PXDNL: variants seen among roughly 807,000 people sequenced by gnomAD.
The protein encoded by PXDNL is probable oxidoreductase PXDNL.
In PXDNL, 145 loss-of-function variants were observed where a neutral mutation model predicts 150.8. The observed-to-expected ratio is 0.96, with a 90% confidence interval of 0.84 to 1.10. The LOEUF is 1.10. PXDNL is among the 50% of genes least tolerant of loss of function. The probability of loss-of-function intolerance (pLI) is 0.00; values close to 1 mark genes in which losing one functional copy is unlikely to be tolerated. For synonymous variants in PXDNL, 757 were observed against 725.7 expected, an observed-to-expected ratio of 1.04 and a Z score of -0.69; for missense variants, 2,087 against 1,873.9, an observed-to-expected ratio of 1.11 and a Z score of -2.10.
intron 4 of PXDNL, among the ~76,000 whole-genome samples, chr8:51,553,295 C>A (rs559036443): frequency 3.3e-5 from 5 of 152,148 alleles, no homozygotes; most frequent in Non-Finnish European, 7.4e-5. Flanking sequence ...ATCTTGGTGG[C>A]AGTCCCACTC....
rs200055206 is a variant in PXDNL, at chr8:51,374,756, G to A, written c.3558-25C>T. 1.2e-4 allele frequency: 200 copies of A among 1,609,274 alleles called. 2 individuals are homozygous for A. The East Asian group carries it at 3.6e-3, about 29-fold the overall frequency. On this transcript the variant is annotated intron_variant, in intron 17 of 22. Coordinates refer to ENST00000356297, the MANE Select transcript of PXDNL (RefSeq NM_144651.5). ...CCTGGAACAGAGACAGGCAGACAGCGCACACCTGAGACTGAAAGTGGAATT... is the reference window on the plus strand; with the variant it reads ...CCTGGAACAGAGACAGGCAGACAGCACACACCTGAGACTGAAAGTGGAATT...
intron 4 of PXDNL, among the ~76,000 whole-genome samples, chr8:51,504,812 G>C (rs574264675): frequency 6.6e-6 from 1 of 152,224 alleles, no homozygotes; most frequent in Non-Finnish European, 1.5e-5. Context: ...CTTTGCAAAC[G>C]TGAGGATAAG....
chr8:51,738,369 C>T (rs1817082805), intron 1 of PXDNL, among the ~76,000 whole-genome samples: 1 of 152,226 alleles, frequency 6.6e-6, no homozygotes, highest in South Asian at 2.1e-4. Context: ...TGTGCTCCTT[C>T]CAGTATGCAT....
At chr8:51,523,396 T>A (rs1811701645) in intron 4 of PXDNL, among the ~76,000 whole-genome samples, 1 of 152,216 alleles carries the variant, frequency 6.6e-6, no homozygotes, top group East Asian at 1.9e-4. Flanking sequence ...TAGCCAACAA[T>A]CTGTGGCATA....
In PXDNL at chr8:51,779,610, T is replaced by C. The variant is rs2037390494; in HGVS notation, c.164+29571A>G. ...AGAAAGGATGAGCAGAGACAGGGAGTGCTGATGGCACGCAGCTCCCAGTTC... is the reference window on the plus strand; with the variant it reads ...AGAAAGGATGAGCAGAGACAGGGAGCGCTGATGGCACGCAGCTCCCAGTTC... On this transcript the variant is annotated intron_variant, in intron 1 of 22. Coordinates refer to ENST00000356297, the MANE Select transcript of PXDNL (RefSeq NM_144651.5). Among the ~76,000 whole-genome samples the C allele has an allele frequency of 2.6e-5, 4 of 152,008 alleles. 1 individual carries two copies. The South Asian group carries it at 6.2e-4, about 24-fold the overall frequency.
At chr8:51,658,090 TC>T (rs1237755970) in intron 1 of PXDNL, among the ~76,000 whole-genome samples, 28 of 152,028 alleles carry the variant, frequency 1.8e-4, no homozygotes, top group African/African-American at 5.6e-4. Flanking sequence ...ATGCCTGTAA[TC>T]CCAGCACTTT....
intron 4 of PXDNL, among the ~76,000 whole-genome samples, chr8:51,536,405 A>G (rs1267803359): frequency 6.6e-6 from 1 of 152,236 alleles, no homozygotes; most frequent in Non-Finnish European, 1.5e-5. Flanking sequence ...GGGAAGAAAA[A>G]GAACAGTAGC....
intron 9 of PXDNL, among the ~76,000 whole-genome samples, chr8:51,454,187 C>T (rs184361391): frequency 8.5e-5 from 13 of 152,316 alleles, no homozygotes; most frequent in African/African-American, 3.1e-4. Context: ...TTTCTTCCTC[C>T]TGTTTGCTAC....
At chr8:51,698,617 G>C (rs1319942572) in intron 1 of PXDNL, among the ~76,000 whole-genome samples, 1 of 152,132 alleles carries the variant, frequency 6.6e-6, no homozygotes, top group Non-Finnish European at 1.5e-5. Flanking sequence ...TGTTAATGTT[G>C]ATATTTTTAT....
chr8:51,458,945 A>G (rs1414231036), intron 8 of PXDNL, among the ~76,000 whole-genome samples: 1 of 152,194 alleles, frequency 6.6e-6, no homozygotes, highest in Admixed American at 6.5e-5. Flanking sequence ...CCCAATGTGA[A>G]GAAGTACCAA....
At chr8:51,592,503 A>G (rs1387488357) in intron 3 of PXDNL, 124 bp downstream of exon 3, 16 of 626,432 alleles carry the variant, frequency 2.6e-5, no homozygotes, top group Non-Finnish European at 3.9e-5. Flanking sequence ...TGAGTTTTAT[A>G]TAAAGGTTGA....
intron 12 of PXDNL, among the ~76,000 whole-genome samples, chr8:51,441,240 T>C (rs1409293455): frequency 6.6e-6 from 1 of 152,126 alleles, no homozygotes; most frequent in African/African-American, 2.4e-5. Context: ...TCCTGAGGCC[T>C]CCCCAGCCAT....
chr8:51,534,046 C>G (rs1367943917), intron 4 of PXDNL, among the ~76,000 whole-genome samples: 1 of 146,722 alleles, frequency 6.8e-6, no homozygotes, highest in Non-Finnish European at 1.5e-5. Context: ...CGAGGAGCGC[C>G]TCTTCCCCGC....
intron 5 of PXDNL, among the ~76,000 whole-genome samples, chr8:51,493,311 A>C (rs1255623243): frequency 2.9e-5 from 4 of 137,716 alleles, no homozygotes; most frequent in Non-Finnish European, 3.0e-5. Flanking sequence ...CCAAAAGTAG[A>C]TAAAACCACA....
intron 2 of PXDNL, among the ~76,000 whole-genome samples, chr8:51,638,199 A>G (rs1419172254): frequency 1.3e-5 from 2 of 152,234 alleles, no homozygotes; most frequent in African/African-American, 4.8e-5. Context: ...TCCTGAAGGA[A>G]GCACTAAACA....
chr8:51,378,949 G>A (rs1761256864), intron 17 of PXDNL, among the ~76,000 whole-genome samples: 1 of 152,164 alleles, frequency 6.6e-6, no homozygotes, highest in South Asian at 2.1e-4. Flanking sequence ...AAGTCAGTGA[G>A]ACCAAGAACC....
intron 1 of PXDNL, among the ~76,000 whole-genome samples, chr8:51,676,194 T>A (rs1200467482): frequency 1.3e-5 from 2 of 152,208 alleles, no homozygotes; most frequent in Non-Finnish European, 2.9e-5. Context: ...CACTTGCATC[T>A]TCTAAACCCT....
chr8:51,770,019 A>G (rs2037274743), intron 1 of PXDNL, among the ~76,000 whole-genome samples: 1 of 152,188 alleles, frequency 6.6e-6, no homozygotes, highest in Admixed American at 6.5e-5. Flanking sequence ...CATGCATCCC[A>G]TGAAGAGCTA....
chr8:51,638,002 G>C (rs1814645689), intron 2 of PXDNL, among the ~76,000 whole-genome samples: 1 of 152,194 alleles, frequency 6.6e-6, no homozygotes, highest in Admixed American at 6.5e-5. Context: ...CGGCAGATCT[G>C]TCAGCAGAAA....
Sources: gnomAD v4.1 joint callset for allele counts (sites outside exome capture counted in the v4.1 genomes callset) on GRCh38, gnomAD v4.1.1 for gene constraint, MANE v1.5 for transcripts, NCBI Gene and HGNC (gene_info 2026-07-23, HGNC 2026-07-21) for gene names.